Variants in COL26A1 observed in about 807,000 individuals in gnomAD.
COL26A1 encodes the protein collagen type XXVI alpha 1 chain.
In COL26A1, 41 loss-of-function variants were observed where a neutral mutation model predicts 59.3. That is an observed-to-expected ratio of 0.69 (90% CI 0.54 to 0.90). COL26A1 has a LOEUF of 0.90. Among genes scored for constraint, COL26A1 ranks in the 40% least tolerant of loss-of-function variants. The pLI, the probability that COL26A1 is intolerant of heterozygous loss-of-function variation, is 0.00. For missense variants in COL26A1, 612 were observed against 602.3 expected (o/e 1.02, Z -0.17); for synonymous variants, 266 against 256.0 (o/e 1.04, Z -0.37).
chr7:101,411,864 G>C (rs2130243274), intron 1 of COL26A1, among the ~76,000 whole-genome samples: 1 of 152,286 alleles, frequency 6.6e-6, no homozygotes, highest in South Asian at 2.1e-4. Context: ...CTTGAGCCCA[G>C]GAGGTCAAGG....
At chr7:101,525,323 A>C (rs1318458317) in intron 3 of COL26A1, among the ~76,000 whole-genome samples, 3 of 151,428 alleles carry the variant, frequency 2.0e-5, no homozygotes, top group Non-Finnish European at 4.4e-5. Context: ...CTGGGACTAC[A>C]GGCGTGTGCC....
chr7:101,528,718 T>G (rs116953810), intron 3 of COL26A1, among the ~76,000 whole-genome samples: 1 of 152,198 alleles, frequency 6.6e-6, no homozygotes, highest in Non-Finnish European at 1.5e-5. Flanking sequence ...TGGCTAACTT[T>G]TGTATCTTTT....
chr7:101,506,857 T>G lies in COL26A1; in HGVS notation c.386-26225T>G, dbSNP rs1275139126. On this transcript the variant is annotated intron_variant, in intron 3 of 12. Coordinates refer to ENST00000313669, the MANE Select transcript of COL26A1 (RefSeq NM_001278563.3). ...ATCCCTCTCCAACTTCCCTCTTAGG[T>G]GTGCTGTCTGCAGCCTTCTCCTCCC... 2.0e-5 allele frequency among the ~76,000 whole-genome samples: 3 copies of G among 152,068 alleles called. No individual in the cohort carries two copies. In the East Asian group the frequency reaches 5.8e-4, roughly 29 times the overall value.
intron 3 of COL26A1, among the ~76,000 whole-genome samples, chr7:101,531,881 G>A (rs1010703083): frequency 6.6e-6 from 1 of 152,106 alleles, no homozygotes; most frequent in Non-Finnish European, 1.5e-5. Flanking sequence ...TCGGGGGGCC[G>A]TGGACTGTGC....
chr7:101,430,597 T>A (rs1004382634), intron 2 of COL26A1, among the ~76,000 whole-genome samples: 3 of 151,860 alleles, frequency 2.0e-5, no homozygotes, highest in Admixed American at 6.6e-5. Context: ...CCAGTATTTT[T>A]AATTTCTATG....
intron 3 of COL26A1, among the ~76,000 whole-genome samples, chr7:101,498,789 G>A (rs965243813): frequency 6.6e-6 from 1 of 152,106 alleles, no homozygotes; most frequent in Admixed American, 6.6e-5. Flanking sequence ...CAAGTCAAAG[G>A]CTATTGTTGT....
intron 1 of COL26A1, among the ~76,000 whole-genome samples, chr7:101,387,780 T>A (rs868787409): frequency 2.0e-5 from 2 of 101,270 alleles, no homozygotes; most frequent in Non-Finnish European, 4.0e-5. Flanking sequence ...ATATATATAT[T>A]TTTTTTTAAG....
At chr7:101,405,284 T>TATA (rs1792103283) in intron 1 of COL26A1, among the ~76,000 whole-genome samples, 1 of 151,854 alleles carries the variant, frequency 6.6e-6, no homozygotes, top group African/African-American at 2.4e-5. Flanking sequence ...CTGAACTAGC[T>TATA]CTATCTCTTC....
intron 2 of COL26A1, among the ~76,000 whole-genome samples, chr7:101,421,548 G>A (rs775247536): frequency 1.3e-5 from 2 of 151,732 alleles, no homozygotes; most frequent in Admixed American, 1.3e-4. Flanking sequence ...GGTGGTGGGC[G>A]CCTGCAATCC....
rs569038831 is a variant in COL26A1, at chr7:101,520,139, G to C, written c.386-12943G>C. ...TTTATCCAGGGAGGATGTGCAGGAA[G>C]GGACAAGCTCTCTGTGTGCATGCTG... On this transcript the variant is annotated intron_variant, in intron 3 of 12. Coordinates refer to ENST00000313669, the MANE Select transcript of COL26A1 (RefSeq NM_001278563.3). 5.9e-5 allele frequency among the ~76,000 whole-genome samples: 9 copies of C among 152,296 alleles called. No homozygotes were observed. The South Asian group carries it at 1.9e-3, about 32-fold the overall frequency.
chr7:101,550,365 A>T (rs1380388174), intron 9 of COL26A1, among the ~76,000 whole-genome samples: 2 of 151,962 alleles, frequency 1.3e-5, no homozygotes, highest in African/African-American at 2.4e-5. Context: ...GGAGGCTGAG[A>T]TGGGAGGATG....
intron 2 of COL26A1, among the ~76,000 whole-genome samples, chr7:101,442,251 C>T (rs775137525): frequency 2.0e-5 from 3 of 152,084 alleles, no homozygotes; most frequent in Non-Finnish European, 2.9e-5. Flanking sequence ...TCTCCTCTGT[C>T]CAAGCTGGGC....
chr7:101,415,694 G>A (rs1411863859), intron 1 of COL26A1, among the ~76,000 whole-genome samples: 1 of 151,896 alleles, frequency 6.6e-6, no homozygotes, highest in Non-Finnish European at 1.5e-5. Context: ...GCAGTGGTGC[G>A]ATCATAGCTC....
At chr7:101,443,290 TGCACACA>T (rs1368962649) in intron 2 of COL26A1, among the ~76,000 whole-genome samples, 1 of 152,126 alleles carries the variant, frequency 6.6e-6, no homozygotes, top group African/African-American at 2.4e-5. Context: ...CTGTCCCAGC[TGCACACA>T]ACCACGCTAC....
chr7:101,517,020 A>T (rs1457649350), intron 3 of COL26A1, among the ~76,000 whole-genome samples: 1 of 152,124 alleles, frequency 6.6e-6, no homozygotes, highest in Non-Finnish European at 1.5e-5. Context: ...TCGGATTACC[A>T]TGGCAACTGC....
chr7:101,366,495 TTTTTTTTTTTTTTTTTTTTTTTA>T (rs371334746), intron 1 of COL26A1, among the ~76,000 whole-genome samples: 29,135 of 96,290 alleles, frequency 0.3, 4,605 homozygotes, highest in African/African-American at 0.53. Flanking sequence ...TTTTTTTTTT[TTTTTTTTTTTTTTTTTTTTTTTA>T]AAGACAGGGT....
At position 101,547,182 on chromosome 7, in the gene COL26A1, A is replaced by G. The variant is rs35490880; in HGVS notation, c.883A>G (p.Ile295Val). 2.5e-3 allele frequency: 4,064 copies of G among 1,598,828 alleles called. 98 individuals carry two copies. The African/African-American group carries it at 0.047, about 18-fold the overall frequency. Residue 295 changes from isoleucine (I) to valine (V), a missense_variant, in exon 8 of 13, where the codon ATC becomes GTC. Ile to Val is a conservative substitution (Grantham distance 29). Transcript: ENST00000313669. ...TGGAGACTCAAGGCTGGCCTCTGCCATCGTGGACACAGTGCTGGCAGGTGT... is the reference window on the plus strand; with the variant it reads ...TGGAGACTCAAGGCTGGCCTCTGCCGTCGTGGACACAGTGCTGGCAGGTGT... ...DNGDSRLASA[I>V]VDTVLAGVPG...
chr7:101,387,981 A>T (rs1791634087), intron 1 of COL26A1, among the ~76,000 whole-genome samples: 1 of 150,774 alleles, frequency 6.6e-6, no homozygotes, highest in Non-Finnish European at 1.5e-5. Flanking sequence ...TTGGCCAAGT[A>T]TCGGACTCCC....
chr7:101,463,551 T>C, intron 3 of COL26A1, among the ~76,000 whole-genome samples: 1 of 28,460 alleles, frequency 3.5e-5, no homozygotes, highest in Non-Finnish European at 6.1e-5. Flanking sequence ...TCCCTCCCCT[T>C]TTCTTTTTCT....
Sources: gnomAD v4.1 joint callset for allele counts (sites outside exome capture counted in the v4.1 genomes callset) on GRCh38, gnomAD v4.1.1 for gene constraint, MANE v1.5 for transcripts, NCBI Gene and HGNC (gene_info 2026-07-23, HGNC 2026-07-21) for gene names.